The following PPM1H variants were observed in gnomAD, a reference collection of about 807,000 sequenced individuals.
PPM1H encodes the protein protein phosphatase 1H.
PPM1H carries 27 observed loss-of-function variants against 54.9 expected under a neutral mutation model. The observed-to-expected ratio is 0.49, with a 90% CI of 0.36 to 0.68. The LOEUF is 0.68. Ranked by LOEUF, PPM1H falls within the 30% of genes least tolerant of loss-of-function variation. PPM1H has a pLI of 0.00. For synonymous variants in PPM1H, 305 were observed against 270.8 expected (o/e 1.13, Z -1.24); for missense variants, 596 against 667.8 (o/e 0.89, Z 1.19).
intron 4 of PPM1H, among the ~76,000 whole-genome samples, chr12:62,778,215 A>G (rs545712382): frequency 5.9e-5 from 9 of 152,362 alleles, no homozygotes; most frequent in Admixed American, 5.9e-4. Flanking sequence ...GAATGAAGAC[A>G]CTATTACTAA....
intron 1 of PPM1H, among the ~76,000 whole-genome samples, chr12:62,923,085 C>T (rs1391431419): frequency 2.3e-5 from 1 of 43,518 alleles, no homozygotes; most frequent in African/African-American, 5.4e-5. Context: ...CTGAGGTGGC[C>T]CCTTCCATGC....
chr12:62,857,946 T>C (rs548559107), intron 1 of PPM1H, among the ~76,000 whole-genome samples: 44 of 152,302 alleles, frequency 2.9e-4, no homozygotes, highest in African/African-American at 1.0e-3. Context: ...AATTACTTAA[T>C]GTATATACCC....
intron 4 of PPM1H, among the ~76,000 whole-genome samples, chr12:62,748,531 C>CACACACACACACAA (rs2076425009): frequency 3.7e-5 from 1 of 27,292 alleles, no homozygotes. Flanking sequence ...CAGTGTAGAA[C>CACACACACACACAA]ACACACACAC....
intron 1 of PPM1H, among the ~76,000 whole-genome samples, chr12:62,880,033 A>G (rs1268115839): frequency 6.6e-6 from 1 of 152,178 alleles, no homozygotes; most frequent in African/African-American, 2.4e-5. Flanking sequence ...ATTTTTCAAA[A>G]CCTACAAACT....
At chr12:62,754,010 C>T (rs879408910) in intron 4 of PPM1H, among the ~76,000 whole-genome samples, 6 of 152,102 alleles carry the variant, frequency 3.9e-5, no homozygotes, top group Admixed American at 2.0e-4. Context: ...AACTAAGTCT[C>T]CAAAACAGAT....
rs1379576813 is a variant in PPM1H at position 62,918,654 on chromosome 12, A to G, written c.245+15838T>C. On this transcript the variant is annotated intron_variant, in intron 1 of 9. Coordinates refer to ENST00000228705, the MANE Select transcript of PPM1H (RefSeq NM_020700.2). The stretch of plus-strand genomic sequence containing the variant: ...TCAAATTATAGCTTAGCAAAGATTT[A>G]CCTACAAGGAGGTTCATCCCAGGAC... Among the ~76,000 whole-genome samples, 4 of 152,230 alleles carry G rather than the reference A, an allele frequency of 2.6e-5. No individual in the cohort carries two copies. In the South Asian group the frequency reaches 8.3e-4, roughly 31 times the overall value.
intron 6 of PPM1H, among the ~76,000 whole-genome samples, chr12:62,698,604 C>G (rs1405548611): frequency 6.6e-6 from 1 of 152,004 alleles, no homozygotes; most frequent in African/African-American, 2.4e-5. Flanking sequence ...GTACCCGGAA[C>G]TGAAAACACT....
chr12:62,897,105 TG>T (rs544463972), intron 1 of PPM1H, among the ~76,000 whole-genome samples: 5 of 23,388 alleles, frequency 2.1e-4, no homozygotes, highest in South Asian at 2.9e-3. Flanking sequence ...TGTTGCGGGG[TG>T]GGGGGAGGGG....
intron 9 of PPM1H, among the ~76,000 whole-genome samples, chr12:62,649,039 ATTTAGT>A (rs1337864822): frequency 6.6e-6 from 1 of 152,290 alleles, no homozygotes; most frequent in East Asian, 1.9e-4. Context: ...TTTTCAATAT[ATTTAGT>A]TTTAGAGTTA....
intron 5 of PPM1H, among the ~76,000 whole-genome samples, chr12:62,729,576 C>T (rs76589684): frequency 0.011 from 1,623 of 152,312 alleles, 31 homozygotes; most frequent in East Asian, 0.087. Flanking sequence ...GCTGGCCTCC[C>T]GATCAAGAAA....
At chr12:62,737,217 T>TAAAAAAAAAAAAAAA (rs111659461) in intron 5 of PPM1H, among the ~76,000 whole-genome samples, 1 of 134,310 alleles carries the variant, frequency 7.4e-6, no homozygotes. Context: ...AAGAAGCCAT[T>TAAAAAAAAAAAAAAA]AAAAAAAAAA....
chr12:62,699,610 T>A (rs2120369450), intron 6 of PPM1H, among the ~76,000 whole-genome samples: 1 of 152,286 alleles, frequency 6.6e-6, no homozygotes, highest in Non-Finnish European at 1.5e-5. Context: ...GATATTAATG[T>A]TTAAAGAGGA....
intron 4 of PPM1H, among the ~76,000 whole-genome samples, chr12:62,784,274 C>G (rs1417128830): frequency 6.6e-6 from 1 of 152,094 alleles, no homozygotes; most frequent in Admixed American, 6.5e-5. Context: ...ATGAATGGTC[C>G]TATGTCCTCT....
At chr12:62,658,549 T>C (rs2075861087) in intron 9 of PPM1H, among the ~76,000 whole-genome samples, 1 of 152,102 alleles carries the variant, frequency 6.6e-6, no homozygotes, top group East Asian at 1.9e-4. Flanking sequence ...CAGAAAACCC[T>C]TTCCAGGTTT....
chr12:62,770,586 G>T (rs1418424638), intron 4 of PPM1H, among the ~76,000 whole-genome samples: 2 of 151,822 alleles, frequency 1.3e-5, no homozygotes, highest in African/African-American at 4.8e-5. Context: ...TGAGAAATTG[G>T]TGCAGTCCAT....
At chr12:62,727,944 A>C (rs1304780885) in intron 5 of PPM1H, among the ~76,000 whole-genome samples, 1 of 152,054 alleles carries the variant, frequency 6.6e-6, no homozygotes, top group Non-Finnish European at 1.5e-5. Context: ...TACAGGCATG[A>C]GCCACCACGC....
Position 62,646,021 on chromosome 12 carries a change from C to G in PPM1H, c.*2468G>C, listed in dbSNP as rs1405122772. The stretch of plus-strand genomic sequence containing the variant: ...AGAGCAATATCAGTGCTGGACAGAT[C>G]TGCCATGCTTCGTTTACATCATGTT... On this transcript the variant is annotated 3_prime_UTR_variant, in exon 10 of 10. Coordinates refer to ENST00000228705, the MANE Select transcript of PPM1H (RefSeq NM_020700.2). 1 of 152,204 alleles carries G rather than the reference C, an allele frequency of 6.6e-6. No homozygotes were observed. Among genetic ancestry groups the G allele is most frequent in the Non-Finnish European group, 1.5e-5 (1 of 68,048 alleles). The allele number at this position is 152,204 out of a possible 1,614,324, so 9.4% of individuals were successfully genotyped here.
chr12:62,684,345 C>G (rs2076040219), intron 8 of PPM1H, among the ~76,000 whole-genome samples: 1 of 152,180 alleles, frequency 6.6e-6, no homozygotes, highest in South Asian at 2.1e-4. Context: ...GCTCAGCAAA[C>G]CTGGCGGCTG....
chr12:62,703,455 T>G (rs1024568415), intron 6 of PPM1H, among the ~76,000 whole-genome samples: 1 of 151,802 alleles, frequency 6.6e-6, no homozygotes. Flanking sequence ...CAGCCTTGTT[T>G]TCTTCTCATT....
Sources: gnomAD v4.1 joint callset for allele counts (sites outside exome capture counted in the v4.1 genomes callset) on GRCh38, gnomAD v4.1.1 for gene constraint, MANE v1.5 for transcripts, NCBI Gene and HGNC (gene_info 2026-07-23, HGNC 2026-07-21) for gene names.